Variants in PASK observed in about 807,000 individuals in gnomAD.
PASK encodes the protein PAS domain containing serine/threonine kinase.
PASK carries 110 observed loss-of-function variants against 121.0 expected under a neutral mutation model. That is an observed-to-expected ratio of 0.91 (90% CI 0.78 to 1.06). The LOEUF is 1.06. Among genes scored for constraint, PASK ranks in the 50% least tolerant of loss-of-function variants. The pLI is 0.00. For missense variants in PASK, 1,643 were observed against 1,702.3 expected, an observed-to-expected ratio of 0.97 and a Z score of 0.61; for synonymous variants, 686 against 717.8, an observed-to-expected ratio of 0.96 and a Z score of 0.71.
In PASK at chr2:241,126,508, T is replaced by G; in HGVS notation, c.2407A>C (p.Thr803Pro). 6.2e-7 allele frequency: 1 copy of G among 1,614,208 alleles called. No homozygotes were observed. Among genetic ancestry groups the G allele is most frequent in the African/African-American group, 1.3e-5 (1 of 75,036 alleles). ...CGGCCTTGGCCAAGGTCAACACAGG[T>G]GCCGGTCAGTAGTAACAGCTCCCTG... ...DDRELLLLTGTCVDLGQGRRF... is the reference protein window; with the variant it reads ...DDRELLLLTGPCVDLGQGRRF... Residue 803 changes from threonine to proline, a missense_variant, in exon 10 of 18, where the codon ACC becomes CCC. By Grantham distance (38) the Thr-to-Pro change is conservative. Transcript: ENST00000234040.
intron 11 of PASK, 53 bp from the exon 12 acceptor site, chr2:241,122,952 G>T: frequency 6.3e-7 from 1 of 1,574,858 alleles, no homozygotes; most frequent in Non-Finnish European, 8.7e-7. Flanking sequence ...CCGGGCAGAG[G>T]TGCAGCACCC....
intron 1 of PASK, chr2:241,145,712 T>TA (rs35188495): frequency 0.27 from 39,779 of 144,896 alleles, 6,377 homozygotes; most frequent in Middle Eastern, 0.45. Flanking sequence ...CCATCTCTAC[T>TA]AAAAAAAAAA....
intron 15 of PASK, among the ~76,000 whole-genome samples, chr2:241,111,867 G>A (rs557438461): frequency 2.6e-5 from 4 of 152,088 alleles, no homozygotes; most frequent in African/African-American, 7.2e-5. Context: ...TCAGCCCCGC[G>A]GTATTTTATT....
intron 1 of PASK, among the ~76,000 whole-genome samples, chr2:241,148,840 C>A (rs1413827800): frequency 6.6e-6 from 1 of 152,168 alleles, no homozygotes; most frequent in East Asian, 1.9e-4. Context: ...TACTGAGATG[C>A]GGAAGGTAAG....
At chr2:241,139,210 A>C (rs554431814) in intron 4 of PASK, among the ~76,000 whole-genome samples, 39 of 152,312 alleles carry the variant, frequency 2.6e-4, no homozygotes, top group Admixed American at 2.0e-3. Context: ...TTCTGTGTGA[A>C]AGCCACACAC....
chr2:241,141,318 T>C (rs955421087), intron 2 of PASK, among the ~76,000 whole-genome samples: 1 of 152,106 alleles, frequency 6.6e-6, no homozygotes, highest in African/African-American at 2.4e-5. Flanking sequence ...ACTCAAAGGT[T>C]CCTTCCTTCC....
At chr2:241,132,828 T>C (rs1266157755) in intron 9 of PASK, 46 bp downstream of exon 9, 3 of 1,472,124 alleles carry the variant, frequency 2.0e-6, no homozygotes, top group Admixed American at 3.3e-5. Flanking sequence ...ACCTACCATC[T>C]GTCTGGACTT....
Position 241,140,613 on chromosome 2 carries a change from C to T in PASK, c.337G>A (p.Gly113Arg), listed in dbSNP as rs1276226921. 4 of 1,614,000 alleles carry T rather than the reference C, an allele frequency of 2.5e-6. No homozygotes were observed. The highest frequency in any genetic ancestry group is 2.7e-5 in the African/African-American group (2 of 74,896). Residue 113 changes from glycine to arginine, a missense_variant, in exon 3 of 18, where the codon GGA becomes AGA. By Grantham distance (125) the Gly-to-Arg change is moderately radical. Around this residue, in one of 3 missense-constraint regions of PASK, gnomAD observed 1,176 missense variants for 1,162.2 expected, o/e 1.01. Coordinates refer to ENST00000234040, the MANE Select transcript of PASK (RefSeq NM_015148.4). ...GGTGAGGACCACCCTGAGGACAGTC[C>T]CCGCAGCAGGGAGCAGCAGGACACA... ...GSVSCCSLLR[G>R]LSSGWSSPLL...
rs762904323 is a variant in PASK at position 241,132,883 on chromosome 2, G to A, written c.1454C>T (p.Pro485Leu). The A allele has an allele frequency of 2.5e-6, 4 of 1,613,814 alleles. No individual in the cohort carries two copies. The highest frequency in any genetic ancestry group is 3.3e-5 in the Admixed American group (2 of 59,998). ...CCACCAAGGGACTTACCCTGGAGCA[G>A]GCTGAGGTGAGAGGCAGGAAAGGAG... Reference protein sequence around the residue: ...GQLLSCLSPQPAPGVDNVPEG... With the variant: ...GQLLSCLSPQLAPGVDNVPEG... Residue 485 changes from proline to leucine, a missense_variant, in exon 9 of 18, where the codon CCT becomes CTT. Coordinates refer to ENST00000234040, the MANE Select transcript of PASK (RefSeq NM_015148.4).
chr2:241,119,289 G>A (rs1167666754), intron 12 of PASK, among the ~76,000 whole-genome samples: 1 of 152,184 alleles, frequency 6.6e-6, no homozygotes, highest in Non-Finnish European at 1.5e-5. Context: ...GGGGACAGCA[G>A]AGGCCTGGGC....
In PASK at chr2:241,126,449, T is replaced by C. The variant is rs762022065; in HGVS notation, c.2466A>G (p.Pro822=). The C allele has an allele frequency of 1.9e-6, 3 of 1,614,098 alleles. No homozygotes were observed. Among genetic ancestry groups the C allele is most frequent in the African/African-American group, 1.3e-5 (1 of 74,948 alleles). The part of the protein sequence containing the change: ...RFRESCVGHD[P]TEPLEVCLVS... Reference sequence around the variant, plus strand: ...CCAAACAAACCTCAAGCGGTTCTGTTGGATCATGTCCCACACAGCTCTCCC... The same window carrying C: ...CCAAACAAACCTCAAGCGGTTCTGTCGGATCATGTCCCACACAGCTCTCCC... Residue 822 remains proline, a synonymous_variant, in exon 10 of 18, where the codon CCA becomes CCG. Coordinates refer to ENST00000234040, the MANE Select transcript of PASK (RefSeq NM_015148.4).
Position 241,108,681 on chromosome 2 carries a change from C to A in PASK, c.3534-381G>T. The stretch of plus-strand genomic sequence containing the variant: ...TGCAGGCCACTTCAGAACAGGGTCA[C>A]GTGCCCTTCAGACGTGATCAGGCAT... On this transcript the variant is annotated intron_variant, in intron 15 of 17. Coordinates refer to ENST00000234040, the MANE Select transcript of PASK (RefSeq NM_015148.4). This position sits in a 1 kb window ranked among gnomAD's most constrained non-coding sequence, Gnocchi z 5.2. 2.7e-6 allele frequency: 1 copy of A among 368,298 alleles called. No individual in the cohort carries two copies. 22.8% of individuals were successfully genotyped at this position (368,298 alleles called of 1,614,324 possible). A position where few individuals can be genotyped will look rare whatever the true frequency, so the allele number is the denominator to read the frequency against.
chr2:241,108,404 G>T lies in PASK; in HGVS notation c.3534-104C>A, dbSNP rs2064975255. 3 of 1,196,980 alleles carry T rather than the reference G, an allele frequency of 2.5e-6. No individual in the cohort carries two copies. Among genetic ancestry groups the T allele is most frequent in the Non-Finnish European group, 3.7e-6 (3 of 820,384 alleles). The allele number at this position is 1,196,980 out of a possible 1,614,324, so 74.1% of individuals were successfully genotyped here. ...CCCTTCCCGACCAGCACACAGGCCA[G>T]GCAGTGGTTTCCCAAGAGGAGGGTC... On this transcript the variant is annotated intron_variant, in intron 15 of 17. Coordinates refer to ENST00000234040, the MANE Select transcript of PASK (RefSeq NM_015148.4). This position sits in a 1 kb window ranked among gnomAD's most constrained non-coding sequence, Gnocchi z 5.2.
In PASK at chr2:241,142,835, A is replaced by G; in HGVS notation, c.196+2T>C. 1 of 1,607,738 alleles carries G rather than the reference A, an allele frequency of 6.2e-7. No individual in the cohort carries two copies. The highest frequency in any genetic ancestry group is 1.3e-5 in the African/African-American group (1 of 74,906). ...AGGCCTGCAGTGGTCGAAGGTCATTACCAGAGAGCGCTGTCCTGCTCTGGC... is the reference window on the plus strand; with the variant it reads ...AGGCCTGCAGTGGTCGAAGGTCATTGCCAGAGAGCGCTGTCCTGCTCTGGC... On this transcript the variant is annotated splice_donor_variant, in intron 2 of 17. Transcript: ENST00000234040. LOFTEE classifies it high-confidence loss of function.
chr2:241,136,034 G>C lies in PASK; in HGVS notation c.1143C>G (p.Ile381Met). The C allele has an allele frequency of 6.2e-7, 1 of 1,613,700 alleles. No individual in the cohort carries two copies. The highest frequency in any genetic ancestry group is 8.5e-7 in the Non-Finnish European group (1 of 1,179,610). The change falls in exon 8 of 18, where the codon ATC (isoleucine) becomes ATG (methionine). Residue 381 changes from isoleucine to methionine, a missense_variant. This residue lies in a region of PASK where 1,176 missense variants were observed against 1,162.2 expected (regional missense o/e 1.01). Coordinates refer to ENST00000234040, the MANE Select transcript of PASK (RefSeq NM_015148.4). ...TGTAGAAACCAGGAATCAGGAAAGT[G>C]ATATTCTAGAAAACAAAGCAGGGAC... is the stretch of plus-strand genomic sequence containing the variant. ...YGKTELLGKN[I>M]TFLIPGFYSY...
At chr2:241,149,920 C>A (rs1325124931), upstream of PASK, 8 of 1,429,966 alleles carry the variant, frequency 5.6e-6, no homozygotes, top group Non-Finnish European at 6.4e-6. Context: ...CGCACCTGCC[C>A]GCCTGCTCCG....
At position 241,137,035 on chromosome 2, in the gene PASK, A is replaced by C. The variant is rs1444079544; in HGVS notation, c.1106T>G (p.Phe369Cys). 1 of 1,613,504 alleles carries C rather than the reference A, an allele frequency of 6.2e-7. No homozygotes were observed. Among genetic ancestry groups the C allele is most frequent in the Non-Finnish European group, 8.5e-7 (1 of 1,179,956 alleles). Reference protein sequence around the residue: ...GINHSFALTLFGYGKTELLGK... With the variant: ...GINHSFALTLCGYGKTELLGK... ...CAGGAGCTCCGTCTTTCCGTAACCA[A>C]ACAGTGTCAGCGCGAAGCTGTGGTT... The change falls in exon 7 of 18, where the codon TTT becomes TGT. Residue 369 changes from phenylalanine to cysteine, a missense_variant. Coordinates refer to ENST00000234040, the MANE Select transcript of PASK (RefSeq NM_015148.4).
At chr2:241,114,983 C>T (rs2065267009) in intron 14 of PASK, 60 bp downstream of exon 14, 6 of 1,613,380 alleles carry the variant, frequency 3.7e-6, no homozygotes, top group Non-Finnish European at 5.1e-6. Context: ...ATCTTTGCAG[C>T]CACCGGACCC....
In PASK at chr2:241,127,143, G is replaced by GCAGCCC; in HGVS notation, c.1766_1771dup (p.Gly589_Ala590dup). The GCAGCCC allele has an allele frequency of 6.2e-7, 1 of 1,613,952 alleles. No homozygotes were observed. The highest frequency in any genetic ancestry group is 8.5e-7 in the Non-Finnish European group (1 of 1,179,946). ...ACCCTTGGCCTGGGGCTTGGCCACG[G>GCAGCCC]CAGCCCCAGCCCAAAGGTCTGAACC... is the stretch of plus-strand genomic sequence containing the variant. On this transcript the variant is annotated inframe_insertion, in exon 10 of 18. Coordinates refer to ENST00000234040, the MANE Select transcript of PASK (RefSeq NM_015148.4).
Sources: gnomAD v4.1 joint callset for allele counts (sites outside exome capture counted in the v4.1 genomes callset) on GRCh38, gnomAD v4.1.1 for gene constraint, gnomAD v4.1.1 regional missense constraint, Gnocchi (gnomAD v3.1) non-coding constraint, MANE v1.5 for transcripts, NCBI Gene and HGNC (gene_info 2026-07-23, HGNC 2026-07-21) for gene names.